GULP1: variants seen among roughly 807,000 people sequenced by gnomAD.
GULP1 encodes GULP PTB domain containing engulfment adaptor 1.
GULP1 carries 19 observed loss-of-function variants against 40.9 expected under a neutral mutation model. The ratio of observed to expected loss-of-function variants is 0.46; its 90% confidence interval spans 0.32 to 0.68. The LOEUF (loss-of-function observed/expected upper bound fraction) is 0.68, where lower values mean the gene tolerates loss of function less well. Ranked by LOEUF, GULP1 falls within the 30% of genes least tolerant of loss-of-function variation. The pLI, the probability that GULP1 is intolerant of heterozygous loss-of-function variation, is 0.03. For missense variants in GULP1, 312 were observed against 362.2 expected (o/e 0.86, Z 1.12); for synonymous variants, 119 against 117.6 (o/e 1.01, Z -0.08).
chr2:188,385,329 G>A (rs58978246), intron 2 of GULP1, among the ~76,000 whole-genome samples: 32,616 of 152,068 alleles, frequency 0.21, 3,677 homozygotes, highest in African/African-American at 0.27. Context: ...GCCAAGCCAT[G>A]CCTTGGCCAC....
intron 1 of GULP1, among the ~76,000 whole-genome samples, chr2:188,307,635 A>C (rs1390532465): frequency 6.6e-6 from 1 of 152,222 alleles, no homozygotes; most frequent in African/African-American, 2.4e-5. Flanking sequence ...ACTGGAGTTT[A>C]GTATAAAGGA....
chr2:188,570,947 CA>C (rs1401874224), intron 9 of GULP1, among the ~76,000 whole-genome samples: 3 of 152,012 alleles, frequency 2.0e-5, no homozygotes, highest in African/African-American at 7.3e-5. Context: ...CATTTGAGCC[CA>C]GGGGTTCAAG....
intron 2 of GULP1, among the ~76,000 whole-genome samples, chr2:188,398,007 T>C (rs1574993936): frequency 2.0e-5 from 3 of 152,208 alleles, no homozygotes; most frequent in African/African-American, 7.2e-5. Flanking sequence ...AAAGAGTCTA[T>C]GCAGGTATAA....
At chr2:188,572,442 G>A (rs894887301) in intron 9 of GULP1, among the ~76,000 whole-genome samples, 2 of 152,114 alleles carry the variant, frequency 1.3e-5, no homozygotes, top group African/African-American at 4.8e-5. Context: ...CTACAACTAA[G>A]AGGTTGAATT....
At chr2:188,419,008 G>C (rs2054977745) in intron 2 of GULP1, among the ~76,000 whole-genome samples, 1 of 152,184 alleles carries the variant, frequency 6.6e-6, no homozygotes, top group Admixed American at 6.5e-5. Flanking sequence ...ATTTCACTTA[G>C]TACAGTGTCC....
chr2:188,443,380 A>C (rs115073509), intron 2 of GULP1, among the ~76,000 whole-genome samples: 1 of 152,170 alleles, frequency 6.6e-6, no homozygotes, highest in African/African-American at 2.4e-5. Flanking sequence ...GAATGTTCAA[A>C]GTCTGATCTA....
chr2:188,581,984 T>C (rs897510448), intron 9 of GULP1, among the ~76,000 whole-genome samples: 1 of 152,198 alleles, frequency 6.6e-6, no homozygotes, highest in African/African-American at 2.4e-5. Flanking sequence ...CTCTCATTAC[T>C]ATCCTTCCTT....
chr2:188,419,722 A>G (rs905609485), intron 2 of GULP1, among the ~76,000 whole-genome samples: 1 of 151,992 alleles, frequency 6.6e-6, no homozygotes, highest in Non-Finnish European at 1.5e-5. Context: ...ATGTAGTCCC[A>G]CATGTTTATT....
At chr2:188,349,129 C>T (rs958973764) in intron 1 of GULP1, among the ~76,000 whole-genome samples, 3 of 152,158 alleles carry the variant, frequency 2.0e-5, no homozygotes, top group African/African-American at 7.2e-5. Flanking sequence ...TTTAATGTAT[C>T]ATGTTCTGTT....
chr2:188,302,996 A>G (rs2036412588), intron 1 of GULP1, among the ~76,000 whole-genome samples: 1 of 152,174 alleles, frequency 6.6e-6, no homozygotes, highest in Admixed American at 6.6e-5. Context: ...CCCCATTGCA[A>G]TGGTCCCAAC....
chr2:188,481,996 T>C (rs538701925), intron 3 of GULP1, among the ~76,000 whole-genome samples: 1 of 151,814 alleles, frequency 6.6e-6, no homozygotes, highest in Non-Finnish European at 1.5e-5. Flanking sequence ...TTATAGAAAA[T>C]ACAAATTTCA....
intron 2 of GULP1, among the ~76,000 whole-genome samples, chr2:188,441,339 T>C (rs1024064176): frequency 6.6e-6 from 1 of 152,154 alleles, no homozygotes; most frequent in African/African-American, 2.4e-5. Context: ...ACAAAATAAA[T>C]GTTTATTATG....
intron 10 of GULP1, among the ~76,000 whole-genome samples, chr2:188,584,612 C>A (rs542927473): frequency 5.9e-5 from 9 of 151,900 alleles, no homozygotes; most frequent in Admixed American, 5.9e-4. Context: ...CTGCTTGCAA[C>A]TTTTACCTAT....
chr2:188,430,602 G>A lies in GULP1; in HGVS notation c.-45+46713G>A, dbSNP rs58306067. The stretch of plus-strand genomic sequence containing the variant: ...CAGAAAACAATACCCCACAATGGAA[G>A]CCTCAGAAACAACTTCAAAAATAAA... On this transcript the variant is annotated intron_variant, in intron 2 of 11. Transcript: ENST00000409830. Among the ~76,000 whole-genome samples, 138 of 152,272 alleles carry A rather than the reference G, an allele frequency of 9.1e-4. 2 individuals are homozygous for A. In the East Asian group the frequency reaches 0.022, roughly 24 times the overall value.
chr2:188,313,859 TTTTA>T (rs1679557020), intron 1 of GULP1, among the ~76,000 whole-genome samples: 4 of 152,060 alleles, frequency 2.6e-5, no homozygotes, highest in Non-Finnish European at 5.9e-5. Flanking sequence ...GAATTGAGTA[TTTTA>T]TTTATTTTAT....
intron 11 of GULP1, chr2:188,588,367 G>T (rs1702841898): frequency 5.6e-6 from 1 of 178,030 alleles, no homozygotes; most frequent in South Asian, 1.1e-4. Context: ...TCTCTGAAAA[G>T]AAGCATTGTA....
intron 7 of GULP1, among the ~76,000 whole-genome samples, chr2:188,567,373 A>G (rs187852193): frequency 6.6e-6 from 1 of 152,322 alleles, no homozygotes; most frequent in Admixed American, 6.5e-5. Flanking sequence ...AAAGACTTGG[A>G]ACCAACCCAA....
intron 1 of GULP1, among the ~76,000 whole-genome samples, chr2:188,370,818 GA>G (rs1439979814): frequency 5.3e-5 from 8 of 152,198 alleles, no homozygotes; most frequent in Non-Finnish European, 1.0e-4. Flanking sequence ...TTGTCTTTAA[GA>G]GAATATACTT....
At chr2:188,544,097 C>A (rs1177734912) in intron 7 of GULP1, among the ~76,000 whole-genome samples, 1 of 152,086 alleles carries the variant, frequency 6.6e-6, no homozygotes, top group African/African-American at 2.4e-5. Flanking sequence ...GGGGGCAGTG[C>A]ATTTCCACCC....
Sources: allele counts gnomAD v4.1 joint callset (sites outside exome capture counted in the v4.1 genomes callset), GRCh38; gene constraint gnomAD v4.1.1; transcripts MANE v1.5; gene names NCBI Gene and HGNC (gene_info 2026-07-23, HGNC 2026-07-21).